MBD5: variants seen among roughly 807,000 people sequenced by gnomAD.
The protein encoded by MBD5 is methyl-CpG binding domain protein 5.
Under a neutral mutation model 117.3 loss-of-function variants are expected in MBD5, and 13 were observed. The ratio of observed to expected loss-of-function variants is 0.11; its 90% CI spans 0.07 to 0.18. The LOEUF is 0.18. Among genes scored for constraint, MBD5 ranks in the 10% least tolerant of loss-of-function variants. The pLI is 1.00. For missense variants in MBD5, 1,879 were observed against 2,093.8 expected (o/e 0.90, Z 2.00); for synonymous variants, 727 against 766.4 (o/e 0.95, Z 0.85).
At chr2:148,215,595 C>G (rs560317995) in intron 2 of MBD5, among the ~76,000 whole-genome samples, 25 of 151,982 alleles carry the variant, frequency 1.6e-4, no homozygotes, top group Middle Eastern at 3.4e-3. Context: ...CATCATACCT[C>G]ACTGCAGCCT....
At chr2:148,197,160 C>G (rs1699009339) in intron 2 of MBD5, among the ~76,000 whole-genome samples, 1 of 152,092 alleles carries the variant, frequency 6.6e-6, no homozygotes, top group African/African-American at 2.4e-5. Flanking sequence ...AAAAGGCAAT[C>G]CCGTTCTGCT....
At chr2:148,162,795 C>A (rs1229482035) in intron 1 of MBD5, among the ~76,000 whole-genome samples, 2 of 151,972 alleles carry the variant, frequency 1.3e-5, no homozygotes, top group Non-Finnish European at 2.9e-5. Flanking sequence ...TAAAATGAAC[C>A]TTAATACCTC....
At chr2:148,367,807 T>C (rs1703745027) in intron 4 of MBD5, among the ~76,000 whole-genome samples, 1 of 146,256 alleles carries the variant, frequency 6.8e-6, no homozygotes, top group African/African-American at 2.8e-5. Context: ...AGAATGGCAA[T>C]TATTAAAAAG....
At chr2:148,383,043 G>T (rs1704206893) in intron 4 of MBD5, among the ~76,000 whole-genome samples, 1 of 151,776 alleles carries the variant, frequency 6.6e-6, no homozygotes, top group South Asian at 2.1e-4. Context: ...ACAATTAAAA[G>T]AACTAGAGAA....
rs184520821 is a variant in MBD5, at chr2:148,431,692, T to C, written c.-556-26511T>C. On this transcript the variant is annotated intron_variant, in intron 4 of 13. Coordinates refer to ENST00000642680, the MANE Select transcript of MBD5 (RefSeq NM_001378120.1). ...GGATAATGGCCTGCAGCTCCATCCA[T>C]GTTTCTTCAAAGGACATGATCTTAT... 5.7e-3 allele frequency among the ~76,000 whole-genome samples: 868 copies of C among 152,298 alleles called. 7 individuals carry two copies. Among genetic ancestry groups the C allele is most frequent in the Middle Eastern group, 0.01 (3 of 294 alleles).
intron 4 of MBD5, among the ~76,000 whole-genome samples, chr2:148,425,873 G>A (rs1705764675): frequency 6.6e-6 from 1 of 152,184 alleles, no homozygotes; most frequent in South Asian, 2.1e-4. Flanking sequence ...ACTAAGTATT[G>A]ATGGAATGTA....
intron 3 of MBD5, among the ~76,000 whole-genome samples, chr2:148,310,016 G>A (rs181162332): frequency 3.9e-4 from 59 of 152,292 alleles, no homozygotes; most frequent in African/African-American, 1.4e-3. Context: ...TGGTGGATAA[G>A]CTCTTTGATG....
intron 1 of MBD5, among the ~76,000 whole-genome samples, chr2:148,144,279 C>A (rs1322639739): frequency 6.6e-6 from 1 of 151,722 alleles, no homozygotes; most frequent in Admixed American, 6.6e-5. Flanking sequence ...CCTTTGCCCA[C>A]TTGTTGATGG....
At position 148,513,064 on chromosome 2, in the gene MBD5, C is replaced by A. The variant is rs116594962; in HGVS notation, c.*123C>A. 310 of 988,070 alleles carry A rather than the reference C, an allele frequency of 3.1e-4. No homozygotes were observed. The African/African-American group carries it at 4.0e-3, about 13-fold the overall frequency. The allele number at this position is 988,070 out of a possible 1,614,324, so 61.2% of individuals were successfully genotyped here. A position where few individuals can be genotyped will look rare whatever the true frequency, so the allele number is the denominator to read the frequency against. Reference sequence around the variant, plus strand: ...AGACTATGGCAGATAGCTACCACCACCACAGGGTGCTAAAAGAAACAGTGA... The same window carrying A: ...AGACTATGGCAGATAGCTACCACCAACACAGGGTGCTAAAAGAAACAGTGA... On this transcript the variant is annotated 3_prime_UTR_variant, in exon 14 of 14. Transcript: ENST00000642680.
At position 148,513,192 on chromosome 2, in the gene MBD5, C is replaced by G. The variant is rs1682270224; in HGVS notation, c.*251C>G. On this transcript the variant is annotated 3_prime_UTR_variant, in exon 14 of 14. Coordinates refer to ENST00000642680, the MANE Select transcript of MBD5 (RefSeq NM_001378120.1). The stretch of plus-strand genomic sequence containing the variant: ...ATGGTCAAGAGATTACTGAGAAACT[C>G]TTTTTCTATAATACTAAATTGTGAT... 2.1e-6 allele frequency: 1 copy of G among 481,076 alleles called. No homozygotes were observed. The highest frequency in any genetic ancestry group is 3.5e-5 in the Admixed American group (1 of 28,640). 29.8% of individuals were successfully genotyped at this position (481,076 alleles called of 1,614,324 possible).
rs754292767 is a variant in MBD5, at chr2:148,226,111, C to CT, written c.-830-7124dup. Among the ~76,000 whole-genome samples, 1,443 of 147,670 alleles carry CT rather than the reference C, an allele frequency of 9.8e-3. 13 individuals carry two copies. The highest frequency in any genetic ancestry group is 0.045 in the Middle Eastern group (13 of 290). ...AGATTTGCCATTTTGAGGCTATTTTCTTTTTTTTTTCATTATTATACTTTA... is the reference window on the plus strand; with the variant it reads ...AGATTTGCCATTTTGAGGCTATTTTCTTTTTTTTTTTCATTATTATACTTTA... On this transcript the variant is annotated intron_variant, in intron 2 of 13. Coordinates refer to ENST00000642680, the MANE Select transcript of MBD5 (RefSeq NM_001378120.1).
At chr2:148,109,177 T>C (rs1056979548) in intron 1 of MBD5, among the ~76,000 whole-genome samples, 1 of 152,108 alleles carries the variant, frequency 6.6e-6, no homozygotes. Flanking sequence ...CTCAGCACTT[T>C]GGGAGGCTGA....
intron 1 of MBD5, among the ~76,000 whole-genome samples, chr2:148,148,013 A>AT (rs901571925): frequency 6.6e-6 from 1 of 151,872 alleles, no homozygotes; most frequent in Non-Finnish European, 1.5e-5. Context: ...TTACTCTCCA[A>AT]TTTTTTTCTT....
At chr2:148,262,371 C>T (rs143447516) in intron 3 of MBD5, among the ~76,000 whole-genome samples, 1,771 of 151,936 alleles carry the variant, frequency 0.012, 14 homozygotes, top group Middle Eastern at 0.024. Context: ...TTATGTCATA[C>T]GTATTATTCC....
intron 3 of MBD5, among the ~76,000 whole-genome samples, chr2:148,302,114 A>G (rs1451299274): frequency 6.6e-6 from 1 of 152,202 alleles, no homozygotes; most frequent in Non-Finnish European, 1.5e-5. Context: ...AGATATTTTT[A>G]AGTTCAAAAA....
rs1460217304 is a variant in MBD5 at position 148,021,284 on chromosome 2, GGATT to G, written c.-1322_-1319del. ...CCTCCAGCCCTGAGCCCTGAGAGGG[GGATT>G]GAGCCTGAGAGAGGAGAAGGAGTTT... On this transcript the variant is annotated 5_prime_UTR_variant, in exon 1 of 14. Coordinates refer to ENST00000642680, the MANE Select transcript of MBD5 (RefSeq NM_001378120.1). The G allele has an allele frequency of 8.2e-6, 3 of 364,628 alleles. No individual in the cohort carries two copies. Among genetic ancestry groups the G allele is most frequent in the African/African-American group, 6.4e-5 (3 of 46,852 alleles). 22.6% of individuals were successfully genotyped at this position (364,628 alleles called of 1,614,324 possible).
chr2:148,401,531 G>T (rs1280804264), intron 4 of MBD5, among the ~76,000 whole-genome samples: 3 of 152,072 alleles, frequency 2.0e-5, no homozygotes, highest in African/African-American at 4.8e-5. Flanking sequence ...GCAGGTGAAA[G>T]ATCTGCTACT....
At chr2:148,028,493 A>G (rs1693957781) in intron 1 of MBD5, 1 of 152,086 alleles carries the variant, frequency 6.6e-6, no homozygotes. Flanking sequence ...TTATCCTTGT[A>G]TTCACAATTA....
intron 3 of MBD5, among the ~76,000 whole-genome samples, chr2:148,335,706 G>T (rs1381695442): frequency 6.6e-6 from 1 of 151,890 alleles, no homozygotes; most frequent in African/African-American, 2.4e-5. Context: ...GTGACAGAGT[G>T]AGACCCTGTC....
Sources: allele counts gnomAD v4.1 joint callset (sites outside exome capture counted in the v4.1 genomes callset), GRCh38; gene constraint gnomAD v4.1.1; transcripts MANE v1.5; gene names NCBI Gene and HGNC (gene_info 2026-07-23, HGNC 2026-07-21).